TOX2: variants seen among roughly 807,000 people sequenced by gnomAD.
The protein encoded by TOX2 is TOX high mobility group box family member 2.
Under a neutral mutation model 47.4 loss-of-function variants are expected in TOX2, and 15 were observed. The observed-to-expected ratio is 0.32, with a 90% CI of 0.21 to 0.49. The LOEUF (loss-of-function observed/expected upper bound fraction) is 0.49. TOX2 is among the 20% of genes least tolerant of loss of function. The pLI is 0.99. For synonymous variants in TOX2, 290 were observed against 296.6 expected, an observed-to-expected ratio of 0.98 and a Z score of 0.23; for missense variants, 622 against 673.1, an observed-to-expected ratio of 0.92 and a Z score of 0.84.
In TOX2 at chr20:44,065,802, G is replaced by C. The variant is rs1402462829; in HGVS notation, c.1051G>C (p.Gly351Arg). 1 of 1,613,676 alleles carries C rather than the reference G, an allele frequency of 6.2e-7. No individual in the cohort carries two copies. The highest frequency in any genetic ancestry group is 1.3e-5 in the African/African-American group (1 of 74,936). The change falls in exon 7 of 9, where the codon GGC (glycine) becomes CGC (arginine). Residue 351 changes from glycine (G) to arginine (R), a missense_variant. Gly to Arg is a moderately radical substitution (Grantham distance 125). This residue lies in a region of TOX2 where 294 missense variants were observed against 300.0 expected (regional missense o/e 0.98). Transcript: ENST00000341197. Reference sequence around the variant, plus strand: ...CAAGCAGCCCATGTATGCCATGCCAGGCCTGGCCTCCTTCCTGACGCCGTC... The same window carrying C: ...CAAGCAGCCCATGTATGCCATGCCACGCCTGGCCTCCTTCCTGACGCCGTC... Reference protein sequence around the residue: ...PPKQPMYAMPGLASFLTPSDL... With the variant: ...PPKQPMYAMPRLASFLTPSDL...
chr20:44,035,364 C>T (rs2071222913), intron 3 of TOX2, among the ~76,000 whole-genome samples: 1 of 152,184 alleles, frequency 6.6e-6, no homozygotes, highest in Non-Finnish European at 1.5e-5. Flanking sequence ...CACGGCTTTG[C>T]ACAGGCTGTT....
intron 1 of TOX2, among the ~76,000 whole-genome samples, chr20:43,962,100 C>G (rs2069770641): frequency 6.6e-6 from 1 of 152,236 alleles, no homozygotes; most frequent in African/African-American, 2.4e-5. Flanking sequence ...TGGGAGAGAG[C>G]TCCAAATGGC....
intron 3 of TOX2, among the ~76,000 whole-genome samples, chr20:44,024,629 A>AT (rs2071031122): frequency 6.6e-6 from 1 of 152,144 alleles, no homozygotes; most frequent in South Asian, 2.1e-4. Flanking sequence ...TTTTTAAAAA[A>AT]TGGCACATGT....
intron 3 of TOX2, among the ~76,000 whole-genome samples, chr20:44,049,033 G>GTCCCA (rs2071463461): frequency 6.6e-6 from 1 of 152,220 alleles, no homozygotes; most frequent in Non-Finnish European, 1.5e-5. Flanking sequence ...CCAGCTACCT[G>GTCCCA]GGAGGCAGAG....
chr20:43,945,872 G>A, intron 1 of TOX2: 2 of 1,606,110 alleles, frequency 1.2e-6, no homozygotes. Context: ...GGCTTATAAA[G>A]CTTGCTATTT....
chr20:44,031,814 G>A (rs1359022661), intron 3 of TOX2, among the ~76,000 whole-genome samples: 1 of 152,120 alleles, frequency 6.6e-6, no homozygotes, highest in Non-Finnish European at 1.5e-5. Context: ...GTGAAGGGAG[G>A]GGGAGGTTGG....
chr20:43,948,880 A>G lies in TOX2; in HGVS notation c.100-24487A>G, dbSNP rs142313678. Reference sequence around the variant, plus strand: ...TGAGCCTGGAGTAGCAATTGGGTGGACCTGGATTTTTAGCCTTTGGTCTCT... The same window carrying G: ...TGAGCCTGGAGTAGCAATTGGGTGGGCCTGGATTTTTAGCCTTTGGTCTCT... On this transcript the variant is annotated intron_variant, in intron 1 of 8. Transcript: ENST00000341197. Among the ~76,000 whole-genome samples, 175 of 152,226 alleles carry G rather than the reference A, an allele frequency of 1.1e-3. 1 individual carries two copies. The highest frequency in any genetic ancestry group is 3.3e-3 in the African/African-American group (136 of 41,532).
intron 3 of TOX2, among the ~76,000 whole-genome samples, chr20:44,041,063 A>C (rs2071324175): frequency 6.6e-6 from 1 of 152,148 alleles, no homozygotes; most frequent in Non-Finnish European, 1.5e-5. Flanking sequence ...CAGGGATTGC[A>C]AGGGAAGGGG....
chr20:43,961,954 A>G (rs2069766402), intron 1 of TOX2, among the ~76,000 whole-genome samples: 1 of 152,188 alleles, frequency 6.6e-6, no homozygotes, highest in African/African-American at 2.4e-5. Flanking sequence ...AGCCCCAGGC[A>G]GCGTCTGCAG....
rs1374032888 is a variant in TOX2 at position 43,934,604 on chromosome 20, A to AG, written c.99+19619dup. ...ACTGGATGGGCAGAGGCTCGTGTAG[A>AG]GGGGGCTGGGAGGACACTGACTACC... On this transcript the variant is annotated intron_variant, in intron 1 of 8. Transcript: ENST00000341197. 6.6e-5 allele frequency among the ~76,000 whole-genome samples: 10 copies of AG among 151,920 alleles called. No homozygotes were observed. In the East Asian group the frequency reaches 1.9e-3, roughly 29 times the overall value.
chr20:44,015,542 A>G (rs2070864865), intron 3 of TOX2, among the ~76,000 whole-genome samples: 2 of 152,218 alleles, frequency 1.3e-5, no homozygotes, highest in Admixed American at 6.5e-5. Context: ...AGCTGCTATT[A>G]ATATTTCTTG....
intron 2 of TOX2, among the ~76,000 whole-genome samples, chr20:43,978,668 C>T (rs1403734937): frequency 6.6e-6 from 1 of 152,104 alleles, no homozygotes; most frequent in Non-Finnish European, 1.5e-5. Flanking sequence ...CTCATCACAG[C>T]CTTCCTGGCT....
At chr20:43,984,116 A>G (rs1319945266) in intron 2 of TOX2, among the ~76,000 whole-genome samples, 9 of 152,304 alleles carry the variant, frequency 5.9e-5, no homozygotes, top group Non-Finnish European at 1.5e-5. Context: ...AGAAGGTAAC[A>G]GCGGTGATTA....
At chr20:43,957,907 C>A (rs540504184) in intron 1 of TOX2, among the ~76,000 whole-genome samples, 1 of 152,160 alleles carries the variant, frequency 6.6e-6, no homozygotes, top group African/African-American at 2.4e-5. Flanking sequence ...ACAACCAGAT[C>A]TCATGAGAAC....
chr20:44,011,994 T>C (rs1443772677), intron 3 of TOX2, among the ~76,000 whole-genome samples: 2 of 152,264 alleles, frequency 1.3e-5, no homozygotes, highest in Non-Finnish European at 2.9e-5. Context: ...GCGTCTTAAC[T>C]GATTAAACAT....
chr20:43,957,120 G>T (rs2069681362), intron 1 of TOX2, among the ~76,000 whole-genome samples: 1 of 152,240 alleles, frequency 6.6e-6, no homozygotes. Context: ...GGCTGAAGAA[G>T]TTATCCTGCT....
chr20:44,040,814 G>T (rs2071320604), intron 3 of TOX2, among the ~76,000 whole-genome samples: 1 of 152,206 alleles, frequency 6.6e-6, no homozygotes, highest in South Asian at 2.1e-4. Flanking sequence ...GGACAGTGAG[G>T]AGAGACAATT....
chr20:43,919,678 C>G (rs2069092941), intron 1 of TOX2, among the ~76,000 whole-genome samples: 1 of 152,166 alleles, frequency 6.6e-6, no homozygotes, highest in African/African-American at 2.4e-5. Flanking sequence ...CCTCCCTCCC[C>G]CCGGCACTTG....
intron 1 of TOX2, among the ~76,000 whole-genome samples, chr20:43,952,964 C>T (rs2069606460): frequency 6.6e-6 from 1 of 151,516 alleles, no homozygotes; most frequent in Admixed American, 6.6e-5. Flanking sequence ...CTGGGTGGGC[C>T]CTATAGGATC....
Sources: gnomAD v4.1 joint callset for allele counts (sites outside exome capture counted in the v4.1 genomes callset) on GRCh38, gnomAD v4.1.1 for gene constraint, gnomAD v4.1.1 regional missense constraint, MANE v1.5 for transcripts, NCBI Gene and HGNC (gene_info 2026-07-23, HGNC 2026-07-21) for gene names.